Variants in GRIK2 observed in about 807,000 individuals in gnomAD.
GRIK2 encodes the protein glutamate receptor ionotropic, kainate 2.
A neutral mutation model predicts 100.3 loss-of-function variants in GRIK2; 32 were observed. The observed-to-expected ratio is 0.32, with a 90% CI of 0.24 to 0.43. The LOEUF (loss-of-function observed/expected upper bound fraction) is 0.43. Among genes scored for constraint, GRIK2 ranks in the 20% least tolerant of loss-of-function variants. The pLI is 1.00. For missense variants in GRIK2, 843 were observed against 1,114.9 expected, an observed-to-expected ratio of 0.76 and a Z score of 3.47; for synonymous variants, 417 against 389.4, an observed-to-expected ratio of 1.07 and a Z score of -0.83.
intron 2 of GRIK2, among the ~76,000 whole-genome samples, chr6:101,579,584 G>C (rs983925795): frequency 2.0e-5 from 3 of 151,782 alleles, no homozygotes; most frequent in Non-Finnish European, 4.4e-5. Flanking sequence ...CGGGCATGGT[G>C]GATCATGCCT....
At chr6:101,843,252 A>G (rs1406442011) in intron 10 of GRIK2, among the ~76,000 whole-genome samples, 1 of 152,218 alleles carries the variant, frequency 6.6e-6, no homozygotes, top group Non-Finnish European at 1.5e-5. Flanking sequence ...AGTGGTAATC[A>G]GCAATAATTA....
intron 2 of GRIK2, among the ~76,000 whole-genome samples, chr6:101,541,563 A>G (rs1224839478): frequency 3.3e-5 from 5 of 152,160 alleles, no homozygotes; most frequent in African/African-American, 1.2e-4. Context: ...CTTGAAGTCA[A>G]AATTATGTCT....
At chr6:101,696,231 G>T (rs1417701962) in intron 7 of GRIK2, among the ~76,000 whole-genome samples, 1 of 151,470 alleles carries the variant, frequency 6.6e-6, no homozygotes, top group Non-Finnish European at 1.5e-5. Context: ...CAATTTTAGA[G>T]GAATTTTATT....
chr6:101,968,919 G>T (rs543157093), intron 14 of GRIK2, among the ~76,000 whole-genome samples: 1 of 151,866 alleles, frequency 6.6e-6, no homozygotes, highest in Non-Finnish European at 1.5e-5. Flanking sequence ...GAATACATTT[G>T]TCCAATTGTG....
At chr6:101,658,611 T>A (rs953479238) in intron 4 of GRIK2, among the ~76,000 whole-genome samples, 1 of 152,060 alleles carries the variant, frequency 6.6e-6, no homozygotes, top group Admixed American at 6.6e-5. Flanking sequence ...TGTTTCTTGA[T>A]CCTTGAGGAA....
chr6:101,531,792 A>G (rs936174698), intron 2 of GRIK2, among the ~76,000 whole-genome samples: 6 of 151,822 alleles, frequency 4.0e-5, no homozygotes, highest in African/African-American at 1.5e-4. Flanking sequence ...ATGTTGAGCT[A>G]TCCTCGTGTC....
At chr6:101,584,725 T>C (rs955300949) in intron 2 of GRIK2, among the ~76,000 whole-genome samples, 2 of 152,120 alleles carry the variant, frequency 1.3e-5, no homozygotes, top group African/African-American at 4.8e-5. Flanking sequence ...AGTTATAATA[T>C]ACCTAGAAAA....
intron 10 of GRIK2, among the ~76,000 whole-genome samples, chr6:101,824,580 G>T (rs1190493134): frequency 6.6e-5 from 10 of 152,076 alleles, no homozygotes; most frequent in Non-Finnish European, 1.2e-4. Flanking sequence ...CAAAAGATTA[G>T]TAGCATTTAA....
At chr6:101,743,711 C>A (rs1776193596) in intron 7 of GRIK2, among the ~76,000 whole-genome samples, 1 of 152,026 alleles carries the variant, frequency 6.6e-6, no homozygotes, top group Non-Finnish European at 1.5e-5. Context: ...TGTAGTATGT[C>A]CTATCACTTC....
chr6:101,818,359 C>T lies in GRIK2; in HGVS notation c.1204-11C>T. On this transcript the variant is annotated splice_polypyrimidine_tract_variant and intron_variant, in intron 9 of 16. Coordinates refer to ENST00000369134, the MANE Select transcript of GRIK2 (RefSeq NM_021956.5). ...ATGGACAATTTACAAAGTACATATG[C>T]TATTTTATAGATTGGAACGTGGGAT... The T allele has an allele frequency of 6.8e-7, 1 of 1,467,638 alleles. No homozygotes were observed. The highest frequency in any genetic ancestry group is 9.5e-7 in the Non-Finnish European group (1 of 1,047,532). 90.9% of individuals were successfully genotyped at this position (1,467,638 alleles called of 1,614,324 possible).
intron 2 of GRIK2, among the ~76,000 whole-genome samples, chr6:101,425,909 C>T (rs1298205176): frequency 6.6e-6 from 1 of 152,214 alleles, no homozygotes; most frequent in Non-Finnish European, 1.5e-5. Flanking sequence ...GCAAGTCTCA[C>T]TAGCACTGAG....
At chr6:101,559,290 T>G (rs1247912039) in intron 2 of GRIK2, among the ~76,000 whole-genome samples, 2 of 152,138 alleles carry the variant, frequency 1.3e-5, no homozygotes, top group Non-Finnish European at 2.9e-5. Flanking sequence ...TTTTTCAAAA[T>G]CTTCCATATT....
Position 101,686,164 on chromosome 6 carries a change from A to G in GRIK2, c.778-16A>G, listed in dbSNP as rs1164393782. The G allele has an allele frequency of 6.2e-7, 1 of 1,600,400 alleles. No homozygotes were observed. Among genetic ancestry groups the G allele is most frequent in the East Asian group, 2.2e-5 (1 of 44,682 alleles). ...ACTCTGTCCATAATAACAACACAAT[A>G]ACATTTGTCTTTCAGGACCTCTTTG... On this transcript the variant is annotated splice_polypyrimidine_tract_variant and intron_variant, in intron 6 of 16. Transcript: ENST00000369134.
At chr6:101,897,671 C>T (rs1787559127) in intron 12 of GRIK2, among the ~76,000 whole-genome samples, 2 of 151,822 alleles carry the variant, frequency 1.3e-5, no homozygotes, top group Admixed American at 6.6e-5. Context: ...TGAACATATA[C>T]CTTTAAAAAG....
chr6:101,803,615 A>T (rs776011512), intron 9 of GRIK2, among the ~76,000 whole-genome samples: 15 of 151,890 alleles, frequency 9.9e-5, no homozygotes, highest in Non-Finnish European at 1.9e-4. Flanking sequence ...GAATTCAGTA[A>T]GCTCGTGAGG....
intron 7 of GRIK2, among the ~76,000 whole-genome samples, chr6:101,711,995 C>G (rs1773728935): frequency 6.6e-6 from 1 of 151,736 alleles, no homozygotes; most frequent in Admixed American, 6.6e-5. Context: ...CTTCAAACTT[C>G]CTTCAACTGG....
At position 101,725,546 on chromosome 6, in the gene GRIK2, T is replaced by C. The variant is rs1774801336; in HGVS notation, c.951+39193T>C. The stretch of plus-strand genomic sequence containing the variant: ...CATTGATTTAGTATTTTTCACTGTT[T>C]TTTGTATAGAAGACATTTTTCTTTT... On this transcript the variant is annotated intron_variant, in intron 7 of 16. Coordinates refer to ENST00000369134, the MANE Select transcript of GRIK2 (RefSeq NM_021956.5). 2.6e-5 allele frequency among the ~76,000 whole-genome samples: 4 copies of C among 152,142 alleles called. No homozygotes were observed. The South Asian group carries it at 8.3e-4, about 32-fold the overall frequency.
At chr6:101,652,736 T>G (rs906203248) in intron 4 of GRIK2, among the ~76,000 whole-genome samples, 1 of 152,152 alleles carries the variant, frequency 6.6e-6, no homozygotes, top group African/African-American at 2.4e-5. Flanking sequence ...ACTGTAACAA[T>G]ACAAAGGAAA....
At chr6:101,405,021 A>G (rs1401904255) in intron 2 of GRIK2, among the ~76,000 whole-genome samples, 4 of 152,210 alleles carry the variant, frequency 2.6e-5, no homozygotes, top group Non-Finnish European at 5.9e-5. Flanking sequence ...ATGGGGCGAT[A>G]AAGACCATTT....
Sources: gnomAD v4.1 joint callset for allele counts (sites outside exome capture counted in the v4.1 genomes callset) on GRCh38, gnomAD v4.1.1 for gene constraint, MANE v1.5 for transcripts, NCBI Gene and HGNC (gene_info 2026-07-23, HGNC 2026-07-21) for gene names.